Variants in XPOT observed in about 807,000 individuals in gnomAD.
XPOT encodes exportin-T.
Under a neutral mutation model 128.2 loss-of-function variants are expected in XPOT, and 34 were observed. The observed-to-expected ratio is 0.27, with a 90% CI of 0.20 to 0.35. The LOEUF (loss-of-function observed/expected upper bound fraction) is 0.35. XPOT is among the 10% of genes least tolerant of loss of function. The pLI, the probability that XPOT is intolerant of heterozygous loss-of-function variation, is 1.00. For synonymous variants in XPOT, 348 were observed against 394.3 expected (o/e 0.88, Z 1.39); for missense variants, 838 against 1,125.3 (o/e 0.74, Z 3.65).
chr12:64,429,052 A>G (rs1441040493), intron 16 of XPOT, among the ~76,000 whole-genome samples: 1 of 152,356 alleles, frequency 6.6e-6, no homozygotes, highest in South Asian at 2.1e-4. Flanking sequence ...ACTACAACAT[A>G]TGCAGTCACC....
At chr12:64,436,621 C>T (rs1237737221) in intron 22 of XPOT, among the ~76,000 whole-genome samples, 1 of 152,004 alleles carries the variant, frequency 6.6e-6, no homozygotes, top group South Asian at 2.1e-4. Flanking sequence ...CCCTGTGTTA[C>T]CCAGGCTGGA....
At position 64,414,907 on chromosome 12, in the gene XPOT, G is replaced by A. The variant is rs1230132880; in HGVS notation, c.61G>A (p.Ala21Thr). 1.2e-6 allele frequency: 2 copies of A among 1,609,004 alleles called. No homozygotes were observed. Among genetic ancestry groups the A allele is most frequent in the Non-Finnish European group, 8.5e-7 (1 of 1,175,708 alleles). The change falls in exon 3 of 25, where the codon GCC becomes ACC. Residue 21 changes from alanine to threonine, a missense_variant and splice_region_variant. Around this residue, in one of 3 missense-constraint regions of XPOT, gnomAD observed 761 missense variants for 988.3 expected, o/e 0.77. Transcript: ENST00000332707. ...ATTTTTTTGTTTTGCAATCTTATAG[G>A]CCCTGGCCTATTTTGAGCAGTTAAA... is the stretch of plus-strand genomic sequence containing the variant. ...PNADSDFRQR[A>T]LAYFEQLKIS...
chr12:64,411,162 C>T (rs1449558645), intron 2 of XPOT, among the ~76,000 whole-genome samples: 1 of 152,160 alleles, frequency 6.6e-6, no homozygotes, highest in Non-Finnish European at 1.5e-5. Flanking sequence ...ACCTATCAAA[C>T]AAGTTAGGAC....
chr12:64,421,539 T>C (rs1447089039), intron 9 of XPOT, 68 bp downstream of exon 9: 3 of 1,109,248 alleles, frequency 2.7e-6, no homozygotes, highest in East Asian at 4.7e-5. Context: ...GTGGAAAATA[T>C]GGAAAAATTA....
chr12:64,444,537 T>C (rs1393185122), intron 23 of XPOT, among the ~76,000 whole-genome samples: 58 of 152,216 alleles, frequency 3.8e-4, no homozygotes, highest in Non-Finnish European at 6.3e-4. Context: ...TTATGCTAAA[T>C]GAAATAAGGC....
intron 11 of XPOT, among the ~76,000 whole-genome samples, chr12:64,424,095 C>T (rs1565798567): frequency 6.6e-6 from 1 of 152,280 alleles, no homozygotes; most frequent in Non-Finnish European, 1.5e-5. Context: ...TGCTGACCAA[C>T]ACACTGCGCA....
chr12:64,450,099 T>C lies in XPOT; in HGVS notation c.*1968T>C, dbSNP rs1025022429. On this transcript the variant is annotated 3_prime_UTR_variant, in exon 25 of 25. Coordinates refer to ENST00000332707, the MANE Select transcript of XPOT (RefSeq NM_007235.6). ...GGCACATAAAGACTTGATAGTAGTT[T>C]ATATGGATGCTATCTCATATTAGCA... The C allele has an allele frequency of 3.9e-5, 6 of 152,210 alleles. No homozygotes were observed. Among genetic ancestry groups the C allele is most frequent in the African/African-American group, 1.4e-4 (6 of 41,440 alleles). The allele number at this position is 152,210 out of a possible 1,614,324, so 9.4% of individuals were successfully genotyped here. A position where few individuals can be genotyped will look rare whatever the true frequency, so the allele number is the denominator to read the frequency against.
At chr12:64,420,598 A>G in intron 8 of XPOT, 77 bp downstream of exon 8, 1 of 1,148,314 alleles carries the variant, frequency 8.7e-7, no homozygotes. Context: ...AAATATAATA[A>G]TAGCTTTTTT....
intron 23 of XPOT, 141 bp from the exon 24 acceptor site, chr12:64,444,934 C>A: frequency 1.8e-6 from 1 of 552,204 alleles, no homozygotes; most frequent in Non-Finnish European, 3.0e-6. Flanking sequence ...GATCACACCA[C>A]TGTACTCCAG....
Position 64,450,274 on chromosome 12 carries a change from C to T in XPOT, c.*2143C>T, listed in dbSNP as rs1466980049. ...TCTACCAATCCTCCTGCCTCAGCAT[C>T]CAGACTAGCTGTGATTACAGGTGTG... On this transcript the variant is annotated 3_prime_UTR_variant, in exon 25 of 25. Transcript: ENST00000332707. The T allele has an allele frequency of 2.0e-5, 3 of 152,006 alleles. No individual in the cohort carries two copies. Among genetic ancestry groups the T allele is most frequent in the Middle Eastern group, 3.4e-3 (1 of 294 alleles). The allele number at this position is 152,006 out of a possible 1,614,324, so 9.4% of individuals were successfully genotyped here. A position where few individuals can be genotyped will look rare whatever the true frequency, so the allele number is the denominator to read the frequency against.
chr12:64,410,533 G>T (rs1046292613), intron 2 of XPOT, among the ~76,000 whole-genome samples: 1 of 151,686 alleles, frequency 6.6e-6, no homozygotes, highest in Non-Finnish European at 1.5e-5. Flanking sequence ...TCTTGCCCAG[G>T]CTGGTCTCGA....
At chr12:64,436,939 C>T (rs1041756612) in intron 22 of XPOT, among the ~76,000 whole-genome samples, 35 of 151,946 alleles carry the variant, frequency 2.3e-4, no homozygotes, top group African/African-American at 8.5e-4. Context: ...TTTTTTTTAA[C>T]CAAAAATTCT....
chr12:64,406,597 G>T (rs551381002), intron 1 of XPOT, among the ~76,000 whole-genome samples: 1 of 151,460 alleles, frequency 6.6e-6, no homozygotes, highest in African/African-American at 2.4e-5. Context: ...TCGAACTCCC[G>T]ACCTCAGTTG....
rs753566166 is a variant in XPOT, at chr12:64,430,000, A to G, written c.1738-49A>G. The stretch of plus-strand genomic sequence containing the variant: ...CTAATGCACTTTTTCTCATTAAATG[A>G]AGGGAACTCAAAAAATAAAAGCTTT... On this transcript the variant is annotated intron_variant, in intron 16 of 24. Transcript: ENST00000332707. 2.6e-5 allele frequency: 38 copies of G among 1,477,538 alleles called. 1 individual carries two copies. Among genetic ancestry groups the G allele is most frequent in the South Asian group, 2.6e-4 (18 of 70,478 alleles). 91.5% of individuals were successfully genotyped at this position (1,477,538 alleles called of 1,614,324 possible).
At chr12:64,438,157 G>A (rs2040298003) in intron 22 of XPOT, among the ~76,000 whole-genome samples, 1 of 152,164 alleles carries the variant, frequency 6.6e-6, no homozygotes. Context: ...TACTTCAGAA[G>A]TATTTGTTTT....
At chr12:64,414,882 A>AT (rs769132232) in intron 2 of XPOT, 25 bp from the exon 3 acceptor site, 9 of 1,512,906 alleles carry the variant, frequency 5.9e-6, no homozygotes, top group Non-Finnish European at 7.3e-6. Flanking sequence ...TTCTAAATGC[A>AT]TTTTTTTGTT....
chr12:64,418,005 C>A (rs1252883093), intron 4 of XPOT, 41 bp from the exon 5 acceptor site: 1 of 1,517,436 alleles, frequency 6.6e-7, no homozygotes, highest in Non-Finnish European at 9.0e-7. Context: ...CCATAGACAC[C>A]AAATATAGCC....
At chr12:64,419,968 A>C in intron 6 of XPOT, 102 bp from the exon 7 acceptor site, 1 of 951,820 alleles carries the variant, frequency 1.1e-6, no homozygotes, top group Non-Finnish European at 1.5e-6. Context: ...CTGGTAGGGA[A>C]TGTGTTAACA....
chr12:64,420,254 G>C lies in XPOT; in HGVS notation c.674G>C (p.Arg225Thr). The C allele has an allele frequency of 6.3e-7, 1 of 1,591,736 alleles. No homozygotes were observed. Among genetic ancestry groups the C allele is most frequent in the Non-Finnish European group, 8.5e-7 (1 of 1,171,916 alleles). The change falls in exon 7 of 25, where the codon AGG becomes ACG. Residue 225 changes from arginine (R) to threonine (T), a missense_variant and splice_region_variant. Arg to Thr is a moderately conservative substitution (Grantham distance 71). Around this residue, in one of 3 missense-constraint regions of XPOT, gnomAD observed 761 missense variants for 988.3 expected, o/e 0.77. Transcript: ENST00000332707. ...GACTTATCCCTTATAGCCAATGATA[G>C]GTAAGTATGCCTATTATTTTTATAG... ...WIDLSLIAND[R>T]FINMLLGHMS...
Sources: allele counts gnomAD v4.1 joint callset (sites outside exome capture counted in the v4.1 genomes callset), GRCh38; gene constraint gnomAD v4.1.1; regional missense constraint gnomAD v4.1.1; transcripts MANE v1.5; gene names NCBI Gene and HGNC (gene_info 2026-07-23, HGNC 2026-07-21).